SLC25A20: variants seen among roughly 807,000 people sequenced by gnomAD.
The protein encoded by SLC25A20 is mitochondrial carnitine/acylcarnitine carrier protein.
A neutral mutation model predicts 39.7 loss-of-function variants in SLC25A20; 29 were observed. That is an observed-to-expected ratio of 0.73 (90% CI 0.54 to 1.00). The LOEUF is 1.00. SLC25A20 is among the 50% of genes least tolerant of loss of function. The pLI is 0.00. For missense variants in SLC25A20, 333 were observed against 379.9 expected, an observed-to-expected ratio of 0.88 and a Z score of 1.03; for synonymous variants, 103 against 142.2, an observed-to-expected ratio of 0.72 and a Z score of 1.96.
Position 48,862,552 on chromosome 3 carries a change from G to A in SLC25A20, c.525C>T (p.Thr175=). 1 of 1,611,472 alleles carries A rather than the reference G, an allele frequency of 6.2e-7. No individual in the cohort carries two copies. The highest frequency in any genetic ancestry group is 1.1e-5 in the South Asian group (1 of 91,012). ...GGCCTGAAAGGTTACCTCGCATAAG[G>A]GTAAGCACAGTCCCTTTGTAGATGC... ...IRGIYKGTVL[T]LMRDVPASGM... is the part of the protein sequence containing the mutation. Residue 175 remains threonine, a synonymous_variant, in exon 5 of 9, where the codon ACC becomes ACT. Transcript: ENST00000319017.
At chr3:48,884,383 T>C (rs1425347288) in intron 2 of SLC25A20, among the ~76,000 whole-genome samples, 1 of 152,076 alleles carries the variant, frequency 6.6e-6, no homozygotes, top group Non-Finnish European at 1.5e-5. Context: ...AGGGTCTCAC[T>C]CTGTCGCCCA....
Position 48,898,706 on chromosome 3 carries a change from G to A in SLC25A20, c.89C>T (p.Pro30Leu). 1.9e-6 allele frequency: 3 copies of A among 1,606,246 alleles called. No individual in the cohort carries two copies. The highest frequency in any genetic ancestry group is 2.5e-6 in the Non-Finnish European group (3 of 1,177,036). ...GGVCLVFVGHPLDTVKVRLQT... is the reference protein window; with the variant it reads ...GGVCLVFVGHLLDTVKVRLQT... Reference sequence around the variant, plus strand: ...CTCCCGCACCTTGACCGTGTCCAGAGGGTGACCGACGAACACCAGGCACAC... The same window carrying A: ...CTCCCGCACCTTGACCGTGTCCAGAAGGTGACCGACGAACACCAGGCACAC... The change falls in exon 1 of 9, where the codon CCT (proline) becomes CTT (leucine). Residue 30 changes from proline (P) to leucine (L), a missense_variant. By Grantham distance (98) the Pro-to-Leu change is moderately conservative. Transcript: ENST00000319017.
intron 2 of SLC25A20, among the ~76,000 whole-genome samples, chr3:48,889,940 C>A (rs768726641): frequency 1.3e-5 from 2 of 152,182 alleles, no homozygotes; most frequent in African/African-American, 4.8e-5. Context: ...CCCTCTGTCA[C>A]GCCCGCATAA....
chr3:48,883,739 G>A (rs1251430615), intron 3 of SLC25A20, among the ~76,000 whole-genome samples: 5 of 148,854 alleles, frequency 3.4e-5, no homozygotes, highest in African/African-American at 1.2e-4. Context: ...CTCCTGCCTC[G>A]GCCTTCCAAG....
intron 1 of SLC25A20, chr3:48,895,897 C>T (rs999826735): frequency 3.4e-5 from 14 of 417,638 alleles, no homozygotes; most frequent in African/African-American, 2.5e-4. Flanking sequence ...CCCAGCACTT[C>T]AGGAGGCCAA....
At chr3:48,883,975 C>A in intron 3 of SLC25A20, 22 bp downstream of exon 3, 1 of 1,612,190 alleles carries the variant, frequency 6.2e-7, no homozygotes, top group Non-Finnish European at 8.5e-7. Flanking sequence ...ACAGCAAGTG[C>A]TCCTGACCTG....
intron 4 of SLC25A20, among the ~76,000 whole-genome samples, chr3:48,867,222 G>A (rs758374439): frequency 1.8e-4 from 27 of 151,834 alleles, no homozygotes; most frequent in Non-Finnish European, 3.7e-4. Flanking sequence ...GATTATAGGT[G>A]TGAGCCACTG....
intron 1 of SLC25A20, among the ~76,000 whole-genome samples, chr3:48,895,278 G>C (rs995408158): frequency 3.9e-5 from 6 of 152,212 alleles, no homozygotes; most frequent in Non-Finnish European, 5.9e-5. Context: ...AAAGTGCTGG[G>C]ATTATAGGCG....
At chr3:48,859,059 C>A (rs1446740985) in intron 7 of SLC25A20, 33 bp downstream of exon 7, 3 of 1,561,572 alleles carry the variant, frequency 1.9e-6, no homozygotes, top group Non-Finnish European at 2.6e-6. Context: ...GGGACCCACT[C>A]TCCCCCTGTC....
At position 48,859,107 on chromosome 3, in the gene SLC25A20, A is replaced by G; in HGVS notation, c.703T>C (p.Ser235Pro). 1 of 1,613,836 alleles carries G rather than the reference A, an allele frequency of 6.2e-7. No individual in the cohort carries two copies. ...TTCCACTCACCAGTCTGGAATCGAG[A>G]CTTGAGCACATCTGGGGGGATTGCC... The part of the protein sequence containing the change: ...AVAIPPDVLK[S>P]RFQTAPPGKY... Residue 235 changes from serine to proline, a missense_variant, in exon 7 of 9, where the codon TCT (serine) becomes CCT (proline). Transcript: ENST00000319017.
intron 5 of SLC25A20, among the ~76,000 whole-genome samples, chr3:48,861,844 T>C (rs954362580): frequency 2.0e-5 from 3 of 151,966 alleles, no homozygotes; most frequent in Admixed American, 1.3e-4. Context: ...CCGGCCAACA[T>C]GGTGAAACCC....
intron 2 of SLC25A20, among the ~76,000 whole-genome samples, chr3:48,886,519 G>A (rs887532698): frequency 6.6e-5 from 10 of 151,404 alleles, no homozygotes; most frequent in East Asian, 1.9e-4. Flanking sequence ...GTAAAACTCC[G>A]TCTCAAACAA....
intron 3 of SLC25A20, among the ~76,000 whole-genome samples, chr3:48,881,414 C>G (rs1392129848): frequency 2.0e-5 from 3 of 152,174 alleles, no homozygotes; most frequent in African/African-American, 7.2e-5. Flanking sequence ...AATAGGATCT[C>G]TGTGTGTGCA....
At chr3:48,878,134 G>A (rs1447137911) in intron 4 of SLC25A20, among the ~76,000 whole-genome samples, 6 of 150,372 alleles carry the variant, frequency 4.0e-5, no homozygotes, top group South Asian at 2.1e-4. Context: ...GGTGGCACAT[G>A]CCTGTGGTCC....
At position 48,879,437 on chromosome 3, in the gene SLC25A20, A is replaced by G; in HGVS notation, c.338T>C (p.Leu113Pro). The G allele has an allele frequency of 6.2e-7, 1 of 1,613,600 alleles. No homozygotes were observed. Among genetic ancestry groups the G allele is most frequent in the Non-Finnish European group, 8.5e-7 (1 of 1,179,476 alleles). Residue 113 changes from leucine (L) to proline (P), a missense_variant, in exon 4 of 9, where the codon CTT becomes CCT. By Grantham distance (98) the Leu-to-Pro change is moderately conservative. Transcript: ENST00000319017. ...GCCAGATAACATCCCAGCTGCAAAA[A>G]GCTGGGGATAGCTGCATTGAAAACA... ...HPEDVLSYPQ[L>P]FAAGMLSGVF...
intron 4 of SLC25A20, among the ~76,000 whole-genome samples, chr3:48,865,520 G>A (rs113497156): frequency 3.3e-5 from 5 of 151,346 alleles, no homozygotes; most frequent in African/African-American, 9.7e-5. Flanking sequence ...TCAGCACTCT[G>A]GGAGGCTGAA....
At chr3:48,863,796 C>G (rs1397240730) in intron 4 of SLC25A20, among the ~76,000 whole-genome samples, 1 of 151,632 alleles carries the variant, frequency 6.6e-6, no homozygotes, top group African/African-American at 2.4e-5. Context: ...GCGGGCAGAT[C>G]ATGAGGTCAG....
intron 4 of SLC25A20, among the ~76,000 whole-genome samples, chr3:48,869,679 G>A (rs1233620540): frequency 4.6e-5 from 7 of 152,170 alleles, no homozygotes; most frequent in Admixed American, 2.6e-4. Context: ...TAGCCAGGCC[G>A]GGTGACACCT....
intron 4 of SLC25A20, among the ~76,000 whole-genome samples, chr3:48,863,740 G>C (rs975307769): frequency 1.3e-5 from 2 of 152,208 alleles, no homozygotes; most frequent in Non-Finnish European, 2.9e-5. Flanking sequence ...GAAAAGGCCG[G>C]GCACGGTGGC....
Sources: gnomAD v4.1 joint callset for allele counts (sites outside exome capture counted in the v4.1 genomes callset) on GRCh38, gnomAD v4.1.1 for gene constraint, MANE v1.5 for transcripts, NCBI Gene and HGNC (gene_info 2026-07-23, HGNC 2026-07-21) for gene names.